The following PYGO2 variants were observed in gnomAD, a reference collection of about 807,000 sequenced individuals.
PYGO2 encodes pygopus homolog 2.
PYGO2 carries 9 observed loss-of-function variants against 26.7 expected under a neutral mutation model. The observed-to-expected ratio is 0.34, with a 90% CI of 0.20 to 0.59. The LOEUF (loss-of-function observed/expected upper bound fraction) is 0.59. PYGO2 is among the 20% of genes least tolerant of loss of function. The pLI is 0.84. For missense variants in PYGO2, 538 were observed against 561.5 expected (o/e 0.96, Z 0.42); for synonymous variants, 236 against 219.0 (o/e 1.08, Z -0.68).
Position 154,958,944 on chromosome 1 carries a change from T to C in PYGO2, c.1056A>G (p.Lys352=), listed in dbSNP as rs1350769637. The C allele has an allele frequency of 6.2e-7, 1 of 1,614,042 alleles. No individual in the cohort carries two copies. The highest frequency in any genetic ancestry group is 1.1e-5 in the South Asian group (1 of 91,090). The change falls in exon 3 of 3, where the codon AAA becomes AAG. Residue 352 remains lysine (K), a synonymous_variant. Coordinates refer to ENST00000368457, the MANE Select transcript of PYGO2 (RefSeq NM_138300.4). ...TGCCTGTGCACTCACGGTGGAACCA[T>C]TTCTGGCAGGAGGCCTCACACAGAA... ...DAILCEASCQ[K]WFHRECTGMT...
At position 154,959,438 on chromosome 1, in the gene PYGO2, C is replaced by A. The variant is rs1218214059; in HGVS notation, c.562G>T (p.Gly188Trp). 3 of 1,531,372 alleles carry A rather than the reference C, an allele frequency of 2.0e-6. No homozygotes were observed. Among genetic ancestry groups the A allele is most frequent in the African/African-American group, 1.4e-5 (1 of 71,974 alleles). The allele number at this position is 1,531,372 out of a possible 1,614,324, so 94.9% of individuals were successfully genotyped here. ...GGTGAGATCATGGGACCAAATCCCCCCACTGGGCCCGGCATCATCTGCCCA... is the reference window on the plus strand; with the variant it reads ...GGTGAGATCATGGGACCAAATCCCCACACTGGGCCCGGCATCATCTGCCCA... ...PSGQMMPGPV[G>W]GFGPMISPTM... The change falls in exon 3 of 3, where the codon GGG (glycine) becomes TGG (tryptophan). Residue 188 changes from glycine to tryptophan, a missense_variant. Around this residue, in one of 4 missense-constraint regions of PYGO2, gnomAD observed 381 missense variants for 336.6 expected, o/e 1.13. Transcript: ENST00000368457. The surrounding 1 kb of genome is among the most constrained non-coding windows in gnomAD (Gnocchi z 4.7).
At position 154,958,523 on chromosome 1, in the gene PYGO2, C is replaced by T. The variant is rs575268847; in HGVS notation, c.*256G>A. On this transcript the variant is annotated 3_prime_UTR_variant, in exon 3 of 3. Transcript: ENST00000368457. ...ACTCCTGGGCCTCCAGAAATAGCCA[C>T]AAAATGGCTCTGCTCAGCAGGGCTT... The T allele has an allele frequency of 2.0e-6, 1 of 489,004 alleles. No homozygotes were observed. Among genetic ancestry groups the T allele is most frequent in the South Asian group, 2.4e-5 (1 of 40,856 alleles). 30.3% of individuals were successfully genotyped at this position (489,004 alleles called of 1,614,324 possible). A position where few individuals can be genotyped will look rare whatever the true frequency, so the allele number is the denominator to read the frequency against.
rs1655366393 is a variant in PYGO2 at position 154,961,582 on chromosome 1, G to C, written c.-6C>G. On this transcript the variant is annotated 5_prime_UTR_variant, in exon 1 of 3. Coordinates refer to ENST00000368457, the MANE Select transcript of PYGO2 (RefSeq NM_138300.4). The stretch of plus-strand genomic sequence containing the variant: ...GGCGGCGCCGAGGCGGCCATGGAGT[G>C]GGGGACCCGGGTTAGCGGCAGCGGC... 1 of 1,205,618 alleles carries C rather than the reference G, an allele frequency of 8.3e-7. No individual in the cohort carries two copies. Among genetic ancestry groups the C allele is most frequent in the Non-Finnish European group, 1.1e-6 (1 of 921,902 alleles). The allele number at this position is 1,205,618 out of a possible 1,614,324, so 74.7% of individuals were successfully genotyped here. A position where few individuals can be genotyped will look rare whatever the true frequency, so the allele number is the denominator to read the frequency against.
chr1:154,958,453 C>G lies in PYGO2; in HGVS notation c.*326G>C, dbSNP rs945623834. 1 of 332,514 alleles carries G rather than the reference C, an allele frequency of 3.0e-6. No homozygotes were observed. Among genetic ancestry groups the G allele is most frequent in the African/African-American group, 2.1e-5 (1 of 47,130 alleles). The allele number at this position is 332,514 out of a possible 1,614,324, so 20.6% of individuals were successfully genotyped here. A position where few individuals can be genotyped will look rare whatever the true frequency, so the allele number is the denominator to read the frequency against. On this transcript the variant is annotated 3_prime_UTR_variant, in exon 3 of 3. Coordinates refer to ENST00000368457, the MANE Select transcript of PYGO2 (RefSeq NM_138300.4). Reference sequence around the variant, plus strand: ...ATCCATCATCAGCAGAGGGAACACCCCTGCCCTCCGGATCTTCCTCCAGCC... The same window carrying G: ...ATCCATCATCAGCAGAGGGAACACCGCTGCCCTCCGGATCTTCCTCCAGCC...
Position 154,959,568 on chromosome 1 carries a change from A to G in PYGO2, c.432T>C (p.Ala144=). The G allele has an allele frequency of 6.8e-7, 1 of 1,461,766 alleles. No individual in the cohort carries two copies. Among genetic ancestry groups the G allele is most frequent in the Non-Finnish European group, 9.1e-7 (1 of 1,103,554 alleles). The allele number at this position is 1,461,766 out of a possible 1,614,324, so 90.5% of individuals were successfully genotyped here. A position where few individuals can be genotyped will look rare whatever the true frequency, so the allele number is the denominator to read the frequency against. ...CAGGACCCTGGGGGGGCATGTTGAAAGCAGGGCCCATAGGATTGGGAGGGA... is the reference window on the plus strand; with the variant it reads ...CAGGACCCTGGGGGGGCATGTTGAAGGCAGGGCCCATAGGATTGGGAGGGA... ...PPFPPNPMGP[A]FNMPPQGPGY... Residue 144 remains alanine (A), a synonymous_variant, in exon 3 of 3, where the codon GCT becomes GCC. Transcript: ENST00000368457. This position sits in a 1 kb window ranked among gnomAD's most constrained non-coding sequence, Gnocchi z 4.7.
chr1:154,961,583 G>A lies in PYGO2; in HGVS notation c.-7C>T. 1 of 1,209,584 alleles carries A rather than the reference G, an allele frequency of 8.3e-7. No individual in the cohort carries two copies. Among genetic ancestry groups the A allele is most frequent in the African/African-American group, 1.6e-5 (1 of 62,504 alleles). 74.9% of individuals were successfully genotyped at this position (1,209,584 alleles called of 1,614,324 possible). A position where few individuals can be genotyped will look rare whatever the true frequency, so the allele number is the denominator to read the frequency against. On this transcript the variant is annotated 5_prime_UTR_variant, in exon 1 of 3. Coordinates refer to ENST00000368457, the MANE Select transcript of PYGO2 (RefSeq NM_138300.4). ...GCGGCGCCGAGGCGGCCATGGAGTG[G>A]GGGACCCGGGTTAGCGGCAGCGGCG...
Position 154,959,176 on chromosome 1 carries a change from G to A in PYGO2, c.824C>T (p.Pro275Leu). 1.3e-6 allele frequency: 2 copies of A among 1,583,468 alleles called. No individual in the cohort carries two copies. The highest frequency in any genetic ancestry group is 1.7e-6 in the Non-Finnish European group (2 of 1,164,092). ...AGCAGCAGCCGGGGAGCCTGAGTGG[G>A]GCTCCTGGGGAAAAGCAGTAGAAGC... ...PPASTAFPQE[P>L]HSGSPAAAVN... Residue 275 changes from proline to leucine, a missense_variant, in exon 3 of 3, where the codon CCC becomes CTC. Pro to Leu is a moderately conservative substitution (Grantham distance 98, BLOSUM62 -3). Around this residue, in one of 4 missense-constraint regions of PYGO2, gnomAD observed 381 missense variants for 336.6 expected, o/e 1.13. Coordinates refer to ENST00000368457, the MANE Select transcript of PYGO2 (RefSeq NM_138300.4). The surrounding 1 kb of genome is among the most constrained non-coding windows in gnomAD (Gnocchi z 4.7).
In PYGO2 at chr1:154,960,913, C is replaced by A. The variant is rs1655338660; in HGVS notation, c.153+64G>T. The A allele has an allele frequency of 7.1e-6, 10 of 1,415,578 alleles. No homozygotes were observed. In the Admixed American group the frequency reaches 1.7e-4, roughly 24 times the overall value. The allele number at this position is 1,415,578 out of a possible 1,614,324, so 87.7% of individuals were successfully genotyped here. A position where few individuals can be genotyped will look rare whatever the true frequency, so the allele number is the denominator to read the frequency against. ...AAGATACAAACAGATACTGGAATGGCAGAGTAGACAGTGTGCCGCCAAGGG... is the reference window on the plus strand; with the variant it reads ...AAGATACAAACAGATACTGGAATGGAAGAGTAGACAGTGTGCCGCCAAGGG... On this transcript the variant is annotated intron_variant, in intron 2 of 2. Coordinates refer to ENST00000368457, the MANE Select transcript of PYGO2 (RefSeq NM_138300.4).
rs755541528 is a variant in PYGO2 at position 154,959,033 on chromosome 1, G to A, written c.967C>T (p.Pro323Ser). 60 of 1,613,532 alleles carry A rather than the reference G, an allele frequency of 3.7e-5. 1 individual carries two copies. In the South Asian group the frequency reaches 4.0e-4, roughly 11 times the overall value. ...CCACATGGGTACACCAAGCCTGGGG[G>A]AGGCTGGGGCCCGGAGCCCCCACCT... ...KAGGGSGPQPPPGLVYPCGAC... is the reference protein window; with the variant it reads ...KAGGGSGPQPSPGLVYPCGAC... The change falls in exon 3 of 3, where the codon CCC becomes TCC. Residue 323 changes from proline to serine, a missense_variant. Pro to Ser is a moderately conservative substitution (Grantham distance 74). This residue lies in a region of PYGO2 where 381 missense variants were observed against 336.6 expected (regional missense o/e 1.13). Transcript: ENST00000368457. The surrounding 1 kb of genome is among the most constrained non-coding windows in gnomAD (Gnocchi z 4.7).
intron 2 of PYGO2, among the ~76,000 whole-genome samples, chr1:154,960,117 T>C (rs1655294222): frequency 6.6e-6 from 1 of 151,738 alleles, no homozygotes; most frequent in Admixed American, 6.6e-5. Context: ...ACAAAAAAAT[T>C]AGCCGGGCGT....
At position 154,959,102 on chromosome 1, in the gene PYGO2, C is replaced by A; in HGVS notation, c.898G>T (p.Gly300Trp). 2.5e-6 allele frequency: 4 copies of A among 1,609,362 alleles called. No individual in the cohort carries two copies. The highest frequency in any genetic ancestry group is 1.7e-4 in the Middle Eastern group (1 of 6,048). Reference protein sequence around the residue: ...SFPPNSSGRGGGTPDANSLAP... With the variant: ...SFPPNSSGRGWGTPDANSLAP... ...AAGCTGTTGGCATCTGGAGTGCCCC[C>A]ACCCCGCCCACTGCTGTTCGGGGGG... is the stretch of plus-strand genomic sequence containing the variant. Residue 300 changes from glycine (G) to tryptophan (W), a missense_variant, in exon 3 of 3, where the codon GGG becomes TGG. Around this residue, in one of 4 missense-constraint regions of PYGO2, gnomAD observed 381 missense variants for 336.6 expected, o/e 1.13. Transcript: ENST00000368457. The surrounding 1 kb of genome is among the most constrained non-coding windows in gnomAD (Gnocchi z 4.7).
rs143021942 is a variant in PYGO2 at position 154,960,172 on chromosome 1, G to A, written c.154-326C>T. 9.8e-3 allele frequency among the ~76,000 whole-genome samples: 1,487 copies of A among 151,734 alleles called. 27 individuals are homozygous for A. The highest frequency in any genetic ancestry group is 0.034 in the African/African-American group (1,417 of 41,346). ...CCCAGCTACTCGGGAGGCTGAAGCA[G>A]GAGAATGGCGTGAACCCAGGAGGCG... On this transcript the variant is annotated intron_variant, in intron 2 of 2. Coordinates refer to ENST00000368457, the MANE Select transcript of PYGO2 (RefSeq NM_138300.4).
At position 154,959,838 on chromosome 1, in the gene PYGO2, T is replaced by C. The variant is rs750613927; in HGVS notation, c.162A>G (p.Ala54=). The C allele has an allele frequency of 1.1e-5, 15 of 1,350,898 alleles. No homozygotes were observed. Among genetic ancestry groups the C allele is most frequent in the Non-Finnish European group, 1.3e-5 (14 of 1,040,950 alleles). 83.7% of individuals were successfully genotyped at this position (1,350,898 alleles called of 1,614,324 possible). A position where few individuals can be genotyped will look rare whatever the true frequency, so the allele number is the denominator to read the frequency against. ...KRRKSNTQGP[A]YSHLTEFAPP... ...GTGCAAACTCCGTCAGATGTGAGTA[T>C]GCAGGGCCCTAGTGAGAAACAGTTG... Residue 54 remains alanine, a synonymous_variant, in exon 3 of 3, where the codon GCA becomes GCG. Transcript: ENST00000368457. The surrounding 1 kb of genome is among the most constrained non-coding windows in gnomAD (Gnocchi z 4.7).
chr1:154,961,569 G>A lies in PYGO2; in HGVS notation c.8C>T (p.Ala3Val). The change falls in exon 1 of 3, where the codon GCC becomes GTC. Residue 3 changes from alanine to valine, a missense_variant. Ala to Val is a moderately conservative substitution (Grantham distance 64). Coordinates refer to ENST00000368457, the MANE Select transcript of PYGO2 (RefSeq NM_138300.4). The stretch of plus-strand genomic sequence containing the variant: ...CTTGTCCGGTGGGGGCGGCGCCGAG[G>A]CGGCCATGGAGTGGGGGACCCGGGT... MA[A>V]SAPPPPDKLE... 1 of 1,366,154 alleles carries A rather than the reference G, an allele frequency of 7.3e-7. No homozygotes were observed. The highest frequency in any genetic ancestry group is 3.1e-5 in the East Asian group (1 of 32,596). The allele number at this position is 1,366,154 out of a possible 1,614,324, so 84.6% of individuals were successfully genotyped here.
chr1:154,959,156 C>A lies in PYGO2; in HGVS notation c.844G>T (p.Ala282Ser). The A allele has an allele frequency of 6.3e-7, 1 of 1,589,526 alleles. No individual in the cohort carries two copies. Among genetic ancestry groups the A allele is most frequent in the Non-Finnish European group, 8.6e-7 (1 of 1,166,566 alleles). ...CTGGGCTGGTTCCCATTAACAGCAG[C>A]AGCCGGGGAGCCTGAGTGGGGCTCC... ...PQEPHSGSPA[A>S]AVNGNQPSFP... The change falls in exon 3 of 3, where the codon GCT (alanine) becomes TCT (serine). Residue 282 changes from alanine (A) to serine (S), a missense_variant. Around this residue, in one of 4 missense-constraint regions of PYGO2, gnomAD observed 381 missense variants for 336.6 expected, o/e 1.13. Transcript: ENST00000368457. The surrounding 1 kb of genome is among the most constrained non-coding windows in gnomAD (Gnocchi z 4.7).
rs1655231696 is a variant in PYGO2, at chr1:154,957,831, G to A, written c.*948C>T. On this transcript the variant is annotated 3_prime_UTR_variant, in exon 3 of 3. Coordinates refer to ENST00000368457, the MANE Select transcript of PYGO2 (RefSeq NM_138300.4). ...TATCATGGAGGAAATGAGGTATAGG[G>A]CTCTGCGCCTTTTCAAGCTTTCCTT... 6.6e-6 allele frequency: 1 copy of A among 152,668 alleles called. No homozygotes were observed. The highest frequency in any genetic ancestry group is 1.5e-5 in the Non-Finnish European group (1 of 68,056). The allele number at this position is 152,668 out of a possible 1,614,324, so 9.5% of individuals were successfully genotyped here.
At position 154,959,641 on chromosome 1, in the gene PYGO2, G is replaced by GT. The variant is rs745380243; in HGVS notation, c.358dup (p.Thr120AsnfsTer57). The GT allele has an allele frequency of 6.9e-7, 1 of 1,450,298 alleles. No homozygotes were observed. The highest frequency in any genetic ancestry group is 9.1e-7 in the Non-Finnish European group (1 of 1,098,498). The allele number at this position is 1,450,298 out of a possible 1,614,324, so 89.8% of individuals were successfully genotyped here. A position where few individuals can be genotyped will look rare whatever the true frequency, so the allele number is the denominator to read the frequency against. ...TGGCTGGGGGCCCCCTCCACCTCCAGTGCTGTAGCCTGGGGGTACCTGGCC... is the reference window on the plus strand; with the variant it reads ...TGGCTGGGGGCCCCCTCCACCTCCAGTTGCTGTAGCCTGGGGGTACCTGGCC... On this transcript the variant is annotated frameshift_variant, in exon 3 of 3. Coordinates refer to ENST00000368457, the MANE Select transcript of PYGO2 (RefSeq NM_138300.4). LOFTEE classifies it high-confidence loss of function. This position sits in a 1 kb window ranked among gnomAD's most constrained non-coding sequence, Gnocchi z 4.7.
chr1:154,961,741 C>T lies in PYGO2; in HGVS notation c.-165G>A, dbSNP rs1002104060. Reference sequence around the variant, plus strand: ...AGCCGCCGCGCAAACTGCGCGCTCTCTCCAGACTCGCCGCCCGCCAGCGGC... The same window carrying T: ...AGCCGCCGCGCAAACTGCGCGCTCTTTCCAGACTCGCCGCCCGCCAGCGGC... On this transcript the variant is annotated 5_prime_UTR_variant, in exon 1 of 3. Coordinates refer to ENST00000368457, the MANE Select transcript of PYGO2 (RefSeq NM_138300.4). 4.8e-6 allele frequency: 2 copies of T among 413,440 alleles called. No individual in the cohort carries two copies. Among genetic ancestry groups the T allele is most frequent in the Non-Finnish European group, 8.6e-6 (2 of 233,118 alleles). 25.6% of individuals were successfully genotyped at this position (413,440 alleles called of 1,614,324 possible).
At position 154,959,718 on chromosome 1, in the gene PYGO2, G is replaced by A; in HGVS notation, c.282C>T (p.Phe94=). 1 of 1,413,374 alleles carries A rather than the reference G, an allele frequency of 7.1e-7. No individual in the cohort carries two copies. Among genetic ancestry groups the A allele is most frequent in the Non-Finnish European group, 9.3e-7 (1 of 1,075,338 alleles). 87.6% of individuals were successfully genotyped at this position (1,413,374 alleles called of 1,614,324 possible). A position where few individuals can be genotyped will look rare whatever the true frequency, so the allele number is the denominator to read the frequency against. The change falls in exon 3 of 3, where the codon TTC becomes TTT. Residue 94 remains phenylalanine (F), a synonymous_variant. Transcript: ENST00000368457. The surrounding 1 kb of genome is among the most constrained non-coding windows in gnomAD (Gnocchi z 4.7). The part of the protein sequence containing the change: ...APKVGVAAPP[F]LGSPVPFGGF... ...CTCCGAAGGGCACAGGACTGCCAAG[G>A]AATGGAGGGGCTGCAACCCCCACTT...
Sources: allele counts gnomAD v4.1 joint callset (sites outside exome capture counted in the v4.1 genomes callset), GRCh38; gene constraint gnomAD v4.1.1; regional missense constraint gnomAD v4.1.1; non-coding constraint Gnocchi (gnomAD v3.1); transcripts MANE v1.5; gene names NCBI Gene and HGNC (gene_info 2026-07-23, HGNC 2026-07-21).